The following COL25A1 variants were observed in gnomAD, a reference collection of about 807,000 sequenced individuals.
COL25A1 encodes the protein collagen type XXV alpha 1 chain.
COL25A1 carries 103 observed loss-of-function variants against 128.4 expected under a neutral mutation model. The ratio of observed to expected loss-of-function variants is 0.80; its 90% confidence interval spans 0.68 to 0.94. The LOEUF (loss-of-function observed/expected upper bound fraction) is 0.94, where lower values mean the gene tolerates loss of function less well. Ranked by LOEUF, COL25A1 falls within the 40% of genes least tolerant of loss-of-function variation. The pLI is 0.00. For missense variants in COL25A1, 745 were observed against 840.0 expected, an observed-to-expected ratio of 0.89 and a Z score of 1.40; for synonymous variants, 279 against 277.2, an observed-to-expected ratio of 1.01 and a Z score of -0.06.
chr4:108,954,727 A>G (rs761492986), intron 8 of COL25A1, among the ~76,000 whole-genome samples: 1 of 152,022 alleles, frequency 6.6e-6, no homozygotes, highest in South Asian at 2.1e-4. Context: ...TTATGGTTAC[A>G]TGAATTAATT....
chr4:108,847,959 A>G (rs1735308003), intron 27 of COL25A1, among the ~76,000 whole-genome samples: 1 of 152,178 alleles, frequency 6.6e-6, no homozygotes, highest in South Asian at 2.1e-4. Context: ...GAAATCAAGA[A>G]AACACTAAAG....
intron 3 of COL25A1, among the ~76,000 whole-genome samples, chr4:109,097,941 C>A (rs143013716): frequency 6.6e-6 from 1 of 151,980 alleles, no homozygotes; most frequent in African/African-American, 2.4e-5. Flanking sequence ...GGATTACAGA[C>A]GTGAGCCACC....
intron 3 of COL25A1, among the ~76,000 whole-genome samples, chr4:109,206,085 C>A (rs957956426): frequency 1.3e-5 from 2 of 152,046 alleles, no homozygotes; most frequent in African/African-American, 2.4e-5. Flanking sequence ...TTGCAATTCA[C>A]CAAAAACACA....
At chr4:109,060,763 C>CA (rs1258374180) in intron 3 of COL25A1, among the ~76,000 whole-genome samples, 1 of 151,532 alleles carries the variant, frequency 6.6e-6, no homozygotes. Flanking sequence ...GCTGTCATGA[C>CA]ACAATTTTTC....
At chr4:109,261,043 T>G (rs1321298858) in intron 3 of COL25A1, among the ~76,000 whole-genome samples, 2 of 152,302 alleles carry the variant, frequency 1.3e-5, no homozygotes, top group East Asian at 3.9e-4. Context: ...TGATAAAAAC[T>G]AGGAGGTAAA....
chr4:109,107,928 T>G (rs1200832096), intron 3 of COL25A1, among the ~76,000 whole-genome samples: 1 of 152,246 alleles, frequency 6.6e-6, no homozygotes, highest in Admixed American at 6.5e-5. Context: ...TCCATTTAAC[T>G]TCTAATTCCA....
intron 3 of COL25A1, among the ~76,000 whole-genome samples, chr4:109,248,370 T>C (rs1241561238): frequency 6.6e-6 from 1 of 152,180 alleles, no homozygotes; most frequent in African/African-American, 2.4e-5. Context: ...ATCTTGATCC[T>C]AGAAGGAGGC....
chr4:109,189,332 G>A (rs1224675640), intron 3 of COL25A1, among the ~76,000 whole-genome samples: 1 of 151,980 alleles, frequency 6.6e-6, no homozygotes, highest in Non-Finnish European at 1.5e-5. Context: ...TTGATCACTT[G>A]AGGTCAGGAG....
At chr4:109,024,840 G>T (rs1408423104) in intron 5 of COL25A1, among the ~76,000 whole-genome samples, 2 of 152,060 alleles carry the variant, frequency 1.3e-5, no homozygotes, top group Admixed American at 1.3e-4. Flanking sequence ...CTTAAGATAT[G>T]CTCTCAAAAA....
Position 108,860,927 on chromosome 4 carries a change from C to T in COL25A1, c.1242G>A (p.Arg414=). 3.7e-6 allele frequency: 6 copies of T among 1,613,602 alleles called. No homozygotes were observed. Among genetic ancestry groups the T allele is most frequent in the Non-Finnish European group, 5.1e-6 (6 of 1,179,650 alleles). ...TTAGATGGATGAGAGGAACACTCAC[C>T]CTTGGTCCCTGAGCTCCAGAGTCCC... ...EKGDSGAQGP[R]GPPGQKGDQG... is the part of the protein sequence containing the mutation. Residue 414 remains arginine, a splice_region_variant and synonymous_variant, in exon 23 of 38, where the codon AGG becomes AGA. Transcript: ENST00000399132.
intron 8 of COL25A1, among the ~76,000 whole-genome samples, chr4:108,968,911 T>A (rs977130050): frequency 1.3e-5 from 2 of 152,198 alleles, no homozygotes; most frequent in Non-Finnish European, 2.9e-5. Flanking sequence ...GTCTTCTTTT[T>A]CAACTTCATC....
At chr4:108,879,140 C>A (rs1739802130) in intron 19 of COL25A1, among the ~76,000 whole-genome samples, 1 of 152,130 alleles carries the variant, frequency 6.6e-6, no homozygotes, top group African/African-American at 2.4e-5. Flanking sequence ...CTTCTGCCAC[C>A]TGTAAAAGCT....
chr4:109,095,316 G>C (rs1765295412), intron 3 of COL25A1, among the ~76,000 whole-genome samples: 1 of 152,210 alleles, frequency 6.6e-6, no homozygotes, highest in African/African-American at 2.4e-5. Flanking sequence ...TAAGGACTGA[G>C]CTTTCTTTAG....
chr4:109,057,245 T>C (rs144011585), intron 3 of COL25A1, among the ~76,000 whole-genome samples: 31 of 151,942 alleles, frequency 2.0e-4, no homozygotes, highest in Admixed American at 5.3e-4. Flanking sequence ...AGGACTCTTA[T>C]TTGTTTCTGT....
chr4:109,029,567 G>GCTA, intron 5 of COL25A1, among the ~76,000 whole-genome samples: 1 of 152,204 alleles, frequency 6.6e-6, no homozygotes, highest in East Asian at 1.9e-4. Context: ...TCTTACTGTA[G>GCTA]CTAATTTATA....
chr4:109,069,519 T>C (rs1247744260), intron 3 of COL25A1, among the ~76,000 whole-genome samples: 2 of 152,172 alleles, frequency 1.3e-5, no homozygotes, highest in Admixed American at 1.3e-4. Context: ...GTACGTGGAA[T>C]TTCACGTCAA....
intron 3 of COL25A1, among the ~76,000 whole-genome samples, chr4:109,068,307 T>C (rs889494758): frequency 6.6e-6 from 1 of 151,904 alleles, no homozygotes; most frequent in Non-Finnish European, 1.5e-5. Flanking sequence ...ACATGAGTAA[T>C]GAGTAAGCAG....
intron 24 of COL25A1, among the ~76,000 whole-genome samples, chr4:108,856,675 A>G (rs1736546828): frequency 6.6e-6 from 1 of 152,148 alleles, no homozygotes; most frequent in African/African-American, 2.4e-5. Context: ...AATAATAAAC[A>G]TTTAGGTTGA....
intron 6 of COL25A1, among the ~76,000 whole-genome samples, chr4:108,990,042 G>GT (rs1221467234): frequency 2.7e-5 from 4 of 150,736 alleles, no homozygotes; most frequent in Non-Finnish European, 5.9e-5. Context: ...GTAAAACCCC[G>GT]TCTCTACTAA....
Sources: allele counts gnomAD v4.1 joint callset (sites outside exome capture counted in the v4.1 genomes callset), GRCh38; gene constraint gnomAD v4.1.1; transcripts MANE v1.5; gene names NCBI Gene and HGNC (gene_info 2026-07-23, HGNC 2026-07-21).